The following DGKD variants were observed in gnomAD, a reference collection of about 807,000 sequenced individuals.
The protein encoded by DGKD is diacylglycerol kinase delta.
Under a neutral mutation model 154.4 loss-of-function variants are expected in DGKD, and 68 were observed. The observed-to-expected ratio is 0.44, with a 90% CI of 0.36 to 0.54. The LOEUF (loss-of-function observed/expected upper bound fraction) is 0.54, where lower values mean the gene tolerates loss of function less well. Among genes scored for constraint, DGKD ranks in the 20% least tolerant of loss-of-function variants. DGKD has a pLI of 0.00. For synonymous variants in DGKD, 693 were observed against 638.0 expected, an observed-to-expected ratio of 1.09 and a Z score of -1.30; for missense variants, 1,343 against 1,593.6, an observed-to-expected ratio of 0.84 and a Z score of 2.68.
At chr2:233,399,307 G>A (rs1438556785) in intron 3 of DGKD, among the ~76,000 whole-genome samples, 1 of 152,220 alleles carries the variant, frequency 6.6e-6, no homozygotes, top group African/African-American at 2.4e-5. Context: ...TTGTTGAAGA[G>A]TGGCTTGGTC....
chr2:233,354,566 T>TCCGCCG lies in DGKD; in HGVS notation c.57_62dup (p.Pro20_Pro21dup), dbSNP rs759588538. 9 of 1,062,812 alleles carry TCCGCCG rather than the reference T, an allele frequency of 8.5e-6. No individual in the cohort carries two copies. Among genetic ancestry groups the TCCGCCG allele is most frequent in the Non-Finnish European group, 1.0e-5 (9 of 872,152 alleles). 65.8% of individuals were successfully genotyped at this position (1,062,812 alleles called of 1,614,324 possible). On this transcript the variant is annotated inframe_insertion, in exon 1 of 30. Coordinates refer to ENST00000264057, the MANE Select transcript of DGKD (RefSeq NM_152879.3). The surrounding 1 kb of genome is among the most constrained non-coding windows in gnomAD (Gnocchi z 4.8). ...CTCCGCCGGGTCCCCCGCAACCGCC[T>TCCGCCG]CCGCCGCCGCCGCCCGAGGAGTCGT... is the stretch of plus-strand genomic sequence containing the variant.
rs2062044489 is a variant in DGKD, at chr2:233,419,337, C to CA, written c.349-15042dup. ...GTAGGCTCTTGCCCATTGACTTTAA[C>CA]ACCCAGTTTTTGTTTGTGCTGGGTC... On this transcript the variant is annotated intron_variant, in intron 3 of 29. Transcript: ENST00000264057. The CA allele has an allele frequency of 1.3e-5, 13 of 985,354 alleles. No individual in the cohort carries two copies. The South Asian group carries it at 5.6e-4, about 43-fold the overall frequency. 61.0% of individuals were successfully genotyped at this position (985,354 alleles called of 1,614,324 possible). A position where few individuals can be genotyped will look rare whatever the true frequency, so the allele number is the denominator to read the frequency against.
chr2:233,394,760 T>C (rs966489114), intron 3 of DGKD, among the ~76,000 whole-genome samples: 3 of 130,710 alleles, frequency 2.3e-5, no homozygotes, highest in Non-Finnish European at 4.7e-5. Flanking sequence ...CAGGCTGGAA[T>C]GCGGTGGTAC....
chr2:233,413,749 G>C (rs976928659), intron 3 of DGKD, among the ~76,000 whole-genome samples: 3 of 152,266 alleles, frequency 2.0e-5, no homozygotes, highest in Non-Finnish European at 4.4e-5. Context: ...GGCTGTGGCT[G>C]CCCTGCATGC....
intron 6 of DGKD, 131 bp from the exon 7 acceptor site, chr2:233,436,185 C>T: frequency 2.0e-6 from 3 of 1,466,360 alleles, no homozygotes; most frequent in Non-Finnish European, 9.3e-7. Context: ...CATCCCTTCC[C>T]TCACTGGCCA....
In DGKD at chr2:233,445,341, C is replaced by T. The variant is rs181514828; in HGVS notation, c.1195-282C>T. ...AGAGAGGGTGTGAGGGGCTGACCAT[C>T]AAGATGTGATGACAGCTGAGAGATG... On this transcript the variant is annotated intron_variant, in intron 10 of 29. Coordinates refer to ENST00000264057, the MANE Select transcript of DGKD (RefSeq NM_152879.3). The surrounding 1 kb of genome is among the most constrained non-coding windows in gnomAD (Gnocchi z 5.5). Among the ~76,000 whole-genome samples, 9 of 152,146 alleles carry T rather than the reference C, an allele frequency of 5.9e-5. No individual in the cohort carries two copies. The Middle Eastern group carries it at 0.014, about 230-fold the overall frequency.
intron 1 of DGKD, among the ~76,000 whole-genome samples, chr2:233,359,761 A>G (rs1017803689): frequency 1.3e-5 from 2 of 152,220 alleles, no homozygotes; most frequent in Non-Finnish European, 2.9e-5. Flanking sequence ...CTGTTGTGCG[A>G]GGCACCAGGG....
chr2:233,397,160 G>C (rs1309117342), intron 3 of DGKD, among the ~76,000 whole-genome samples: 2 of 89,770 alleles, frequency 2.2e-5, no homozygotes, highest in Non-Finnish European at 4.2e-5. Context: ...GGTGGCTGCG[G>C]GGGGGGCCAG....
intron 3 of DGKD, among the ~76,000 whole-genome samples, chr2:233,400,930 A>G (rs527611793): frequency 3.3e-5 from 5 of 152,104 alleles, no homozygotes; most frequent in East Asian, 1.9e-4. Flanking sequence ...GGTATTTCCA[A>G]AGTGTGAGCT....
chr2:233,449,956 C>G lies in DGKD; in HGVS notation c.1889-26C>G, dbSNP rs910050635. ...GCCCTTGGCTTTGCACCCGCGTGCT[C>G]AGCCGCACACACTCTCCTTGCACAG... On this transcript the variant is annotated intron_variant, in intron 15 of 29. Coordinates refer to ENST00000264057, the MANE Select transcript of DGKD (RefSeq NM_152879.3). The surrounding 1 kb of genome is among the most constrained non-coding windows in gnomAD (Gnocchi z 5.3). 1 of 1,558,908 alleles carries G rather than the reference C, an allele frequency of 6.4e-7. No homozygotes were observed. Among genetic ancestry groups the G allele is most frequent in the Non-Finnish European group, 8.7e-7 (1 of 1,149,584 alleles).
At chr2:233,404,493 C>T (rs2061633092) in intron 3 of DGKD, among the ~76,000 whole-genome samples, 2 of 152,202 alleles carry the variant, frequency 1.3e-5, no homozygotes, top group South Asian at 4.1e-4. Flanking sequence ...TTGTTACCTG[C>T]CCTGAGAGTT....
intron 3 of DGKD, among the ~76,000 whole-genome samples, chr2:233,432,994 A>C (rs983092219): frequency 1.4e-4 from 22 of 152,230 alleles, no homozygotes; most frequent in African/African-American, 5.1e-4. Flanking sequence ...TGCTGGTAGG[A>C]TTGTAAATTA....
intron 3 of DGKD, among the ~76,000 whole-genome samples, chr2:233,412,679 A>G (rs761918763): frequency 9.2e-5 from 14 of 152,234 alleles, no homozygotes; most frequent in Admixed American, 4.6e-4. Context: ...TCCAGTCTTA[A>G]CATGAAACAG....
At chr2:233,369,596 C>G (rs985170262) in intron 1 of DGKD, among the ~76,000 whole-genome samples, 1 of 152,194 alleles carries the variant, frequency 6.6e-6, no homozygotes, top group Non-Finnish European at 1.5e-5. Context: ...CCTCTCCCCT[C>G]CCCCTTTCTG....
intron 3 of DGKD, among the ~76,000 whole-genome samples, chr2:233,428,344 A>G (rs553805649): frequency 2.2e-4 from 33 of 152,274 alleles, no homozygotes; most frequent in Non-Finnish European, 4.0e-4. Context: ...ATTCTGACTT[A>G]TTTGGTGGGA....
intron 3 of DGKD, among the ~76,000 whole-genome samples, chr2:233,404,653 C>T (rs2061639284): frequency 2.0e-5 from 3 of 152,126 alleles, no homozygotes; most frequent in Non-Finnish European, 4.4e-5. Context: ...CCTAAGCCTC[C>T]AGAATCTCTA....
At chr2:233,380,589 A>G (rs1388204224) in intron 1 of DGKD, among the ~76,000 whole-genome samples, 1 of 152,152 alleles carries the variant, frequency 6.6e-6, no homozygotes, top group African/African-American at 2.4e-5. Flanking sequence ...GGCAGTGGGG[A>G]TTAGCCCTAT....
intron 1 of DGKD, among the ~76,000 whole-genome samples, chr2:233,372,275 T>C (rs10190563): frequency 0.018 from 2,731 of 152,278 alleles, 73 homozygotes; most frequent in African/African-American, 0.062. Context: ...CCCGCCTCAG[T>C]CTCCCAAAGT....
At position 233,445,493 on chromosome 2, in the gene DGKD, G is replaced by A. The variant is rs1559558648; in HGVS notation, c.1195-130G>A. The A allele has an allele frequency of 3.1e-6, 4 of 1,292,416 alleles. No homozygotes were observed. The highest frequency in any genetic ancestry group is 5.3e-5 in the Admixed American group (2 of 37,866). 80.1% of individuals were successfully genotyped at this position (1,292,416 alleles called of 1,614,324 possible). On this transcript the variant is annotated intron_variant, in intron 10 of 29. Transcript: ENST00000264057. The surrounding 1 kb of genome is among the most constrained non-coding windows in gnomAD (Gnocchi z 5.5). ...GGGCTCTGCCTGTAATGTGTAAGCTGCGTGGTTTTAGGTCACGTCCCCACA... is the reference window on the plus strand; with the variant it reads ...GGGCTCTGCCTGTAATGTGTAAGCTACGTGGTTTTAGGTCACGTCCCCACA...
Sources: allele counts gnomAD v4.1 joint callset (sites outside exome capture counted in the v4.1 genomes callset), GRCh38; gene constraint gnomAD v4.1.1; non-coding constraint Gnocchi (gnomAD v3.1); transcripts MANE v1.5; gene names NCBI Gene and HGNC (gene_info 2026-07-23, HGNC 2026-07-21).